Variants in CHN1 observed in about 807,000 individuals in gnomAD.
CHN1 encodes the protein chimerin 1.
A neutral mutation model predicts 59.5 loss-of-function variants in CHN1; 37 were observed. That is an observed-to-expected ratio of 0.62 (90% CI 0.48 to 0.82). CHN1 has a LOEUF of 0.82. Among genes scored for constraint, CHN1 ranks in the 40% least tolerant of loss-of-function variants. CHN1 has a pLI of 0.00. For synonymous variants in CHN1, 206 were observed against 200.4 expected (o/e 1.03, Z -0.24); for missense variants, 469 against 571.0 (o/e 0.82, Z 1.82).
chr2:174,800,430 C>A, intron 12 of CHN1, 143 bp from the exon 13 acceptor site: 1 of 551,012 alleles, frequency 1.8e-6, no homozygotes, highest in East Asian at 3.1e-5. Context: ...TCTGTAATTT[C>A]AAAGTACTGA....
chr2:174,935,235 C>T (rs996362326), intron 3 of CHN1, among the ~76,000 whole-genome samples: 10 of 152,260 alleles, frequency 6.6e-5, no homozygotes, highest in East Asian at 5.8e-4. Context: ...GTTGAGCTAC[C>T]GCTCCATTCC....
intron 1 of CHN1, among the ~76,000 whole-genome samples, chr2:174,979,879 C>CAAAA (rs1174235089): frequency 6.6e-6 from 1 of 151,198 alleles, no homozygotes; most frequent in Non-Finnish European, 1.5e-5. Flanking sequence ...AACTCCATCT[C>CAAAA]AAAAACAAAA....
chr2:175,000,089 T>G (rs1012916718), intron 1 of CHN1, among the ~76,000 whole-genome samples: 1 of 151,988 alleles, frequency 6.6e-6, no homozygotes, highest in East Asian at 1.9e-4. Flanking sequence ...AGACAAACTT[T>G]AAAGCTAAAA....
At chr2:174,823,853 T>C (rs1685588948) in intron 8 of CHN1, among the ~76,000 whole-genome samples, 2 of 152,216 alleles carry the variant, frequency 1.3e-5, no homozygotes, top group African/African-American at 4.8e-5. Flanking sequence ...TAAATATTCA[T>C]GGTCATATTT....
Position 174,909,087 on chromosome 2 carries a change from T to G in CHN1, c.260+5971A>C, listed in dbSNP as rs545698882. On this transcript the variant is annotated intron_variant, in intron 5 of 12. Transcript: ENST00000409900. ...TCTTTGGAACTCACACCTGGTTTTC[T>G]TACTACAGTATTTACTAAAGCTAAA... is the stretch of plus-strand genomic sequence containing the variant. Among the ~76,000 whole-genome samples the G allele has an allele frequency of 1.1e-3, 165 of 152,292 alleles. 1 individual carries two copies. Among genetic ancestry groups the G allele is most frequent in the African/African-American group, 3.5e-3 (146 of 41,566 alleles).
chr2:174,859,275 C>A (rs997392577), intron 6 of CHN1, among the ~76,000 whole-genome samples: 6 of 152,052 alleles, frequency 3.9e-5, no homozygotes, highest in Non-Finnish European at 7.4e-5. Flanking sequence ...GTAAAACTAA[C>A]GCTCTAGGAA....
chr2:174,814,178 G>C (rs537659748), intron 8 of CHN1, among the ~76,000 whole-genome samples: 29 of 152,196 alleles, frequency 1.9e-4, no homozygotes, highest in Non-Finnish European at 3.8e-4. Flanking sequence ...GGGAAGCTGG[G>C]TCTCTGCATA....
intron 6 of CHN1, among the ~76,000 whole-genome samples, chr2:174,876,915 A>G (rs1160927109): frequency 6.6e-6 from 1 of 152,222 alleles, no homozygotes; most frequent in African/African-American, 2.4e-5. Context: ...AAAAGCACAG[A>G]CAAATTAGGT....
chr2:174,999,793 A>G (rs554895245), intron 1 of CHN1, among the ~76,000 whole-genome samples: 1 of 152,222 alleles, frequency 6.6e-6, no homozygotes, highest in Non-Finnish European at 1.5e-5. Context: ...ACAGGCCTAA[A>G]AGGCCGGGAG....
At chr2:174,837,165 A>T (rs1300576839) in intron 7 of CHN1, 1 of 152,188 alleles carries the variant, frequency 6.6e-6, no homozygotes, top group Non-Finnish European at 1.5e-5. Flanking sequence ...AAACACACTG[A>T]AGTAATACAA....
chr2:174,879,687 T>G (rs1687675148), intron 5 of CHN1, among the ~76,000 whole-genome samples: 2 of 152,200 alleles, frequency 1.3e-5, no homozygotes, highest in Non-Finnish European at 2.9e-5. Flanking sequence ...CTCCATAGCT[T>G]TTATAAGACT....
chr2:175,005,294 A>C lies in CHN1; in HGVS notation c.-382T>G, dbSNP rs762948326. Reference sequence around the variant, plus strand: ...CGGCGGCGGCGGCGACGGGGAGAGCAGCAGCAGCCTCGCACAGCCCCCGGC... The same window carrying C: ...CGGCGGCGGCGGCGACGGGGAGAGCCGCAGCAGCCTCGCACAGCCCCCGGC... On this transcript the variant is annotated 5_prime_UTR_variant, in exon 1 of 13. Coordinates refer to ENST00000409900, the MANE Select transcript of CHN1 (RefSeq NM_001822.7). The C allele has an allele frequency of 8.3e-7, 1 of 1,198,430 alleles. No homozygotes were observed. The highest frequency in any genetic ancestry group is 1.1e-6 in the Non-Finnish European group (1 of 950,062). 74.2% of individuals were successfully genotyped at this position (1,198,430 alleles called of 1,614,324 possible).
chr2:174,834,008 G>A (rs749487067), intron 7 of CHN1, among the ~76,000 whole-genome samples: 15 of 152,014 alleles, frequency 9.9e-5, no homozygotes, highest in Non-Finnish European at 1.3e-4. Context: ...GTCTTGCCAC[G>A]TGCCTCAGGC....
chr2:174,952,326 C>G, intron 1 of CHN1, 124 bp from the exon 2 acceptor site: 1 of 539,770 alleles, frequency 1.9e-6, no homozygotes, highest in Non-Finnish European at 3.0e-6. Context: ...GTGCTAGGCA[C>G]TAAGGGGCAT....
rs751415653 is a variant in CHN1, at chr2:174,962,286, AAAAC to A, written c.20-10088_20-10085del. ...GGCAACAGACCAAGACTCTGTCTCA[AAAAC>A]AAACAAACAAACAAAGAAGAAATAT... On this transcript the variant is annotated intron_variant, in intron 1 of 12. Transcript: ENST00000409900. Among the ~76,000 whole-genome samples the A allele has an allele frequency of 1.7e-3, 261 of 152,278 alleles. 1 individual carries two copies. The highest frequency in any genetic ancestry group is 1.6e-3 in the Admixed American group (24 of 15,296).
At chr2:174,914,917 C>G in intron 5 of CHN1, 141 bp downstream of exon 5, 1 of 472,792 alleles carries the variant, frequency 2.1e-6, no homozygotes, top group Non-Finnish European at 3.8e-6. Context: ...TTTAAAGGGT[C>G]TCAAAGCTAT....
rs549868411 is a variant in CHN1, at chr2:174,991,038, T to C, written c.19+13856A>G. ...TCATATAAACCACTGACTGCATCTT[T>C]TAAAAGGGTCATGGTTTAATATATT... On this transcript the variant is annotated intron_variant, in intron 1 of 12. Coordinates refer to ENST00000409900, the MANE Select transcript of CHN1 (RefSeq NM_001822.7). 3.7e-4 allele frequency among the ~76,000 whole-genome samples: 56 copies of C among 152,344 alleles called. No individual in the cohort carries two copies. The South Asian group carries it at 0.011, about 30-fold the overall frequency.
chr2:174,841,690 A>T (rs1234116301), intron 7 of CHN1, among the ~76,000 whole-genome samples: 3 of 152,158 alleles, frequency 2.0e-5, no homozygotes, highest in Non-Finnish European at 2.9e-5. Flanking sequence ...GAAATTATTT[A>T]AAATTATTTA....
At chr2:174,833,477 T>C (rs1374762093) in intron 7 of CHN1, among the ~76,000 whole-genome samples, 1 of 152,190 alleles carries the variant, frequency 6.6e-6, no homozygotes, top group African/African-American at 2.4e-5. Flanking sequence ...TCTTGCATAA[T>C]TTCTGATGAG....
Sources: allele counts gnomAD v4.1 joint callset (sites outside exome capture counted in the v4.1 genomes callset), GRCh38; gene constraint gnomAD v4.1.1; transcripts MANE v1.5; gene names NCBI Gene and HGNC (gene_info 2026-07-23, HGNC 2026-07-21).